The following EXD3 variants were observed in gnomAD, a reference collection of about 807,000 sequenced individuals.
EXD3 encodes the protein exonuclease mut-7 homolog.
Under a neutral mutation model 98.0 loss-of-function variants are expected in EXD3, and 92 were observed. The ratio of observed to expected loss-of-function variants is 0.94; its 90% CI spans 0.79 to 1.12. The LOEUF is 1.12. EXD3 is among the 50% of genes most tolerant of loss of function. The pLI is 0.00. For synonymous variants in EXD3, 569 were observed against 526.0 expected, an observed-to-expected ratio of 1.08 and a Z score of -1.12; for missense variants, 1,222 against 1,191.6, an observed-to-expected ratio of 1.03 and a Z score of -0.38.
intron 19 of EXD3, among the ~76,000 whole-genome samples, chr9:137,322,392 GC>G: frequency 6.8e-6 from 1 of 147,182 alleles, no homozygotes; most frequent in East Asian, 2.0e-4. Context: ...GGGATTCTCT[GC>G]CAACATCTCA....
intron 1 of EXD3, among the ~76,000 whole-genome samples, chr9:137,414,549 A>T (rs1052561438): frequency 3.3e-5 from 5 of 152,066 alleles, no homozygotes; most frequent in African/African-American, 1.2e-4. Flanking sequence ...TCCACAGTGG[A>T]CGTGCCATTT....
intron 1 of EXD3, among the ~76,000 whole-genome samples, chr9:137,413,981 A>G (rs1261452676): frequency 1.4e-5 from 2 of 142,668 alleles, no homozygotes; most frequent in Non-Finnish European, 3.0e-5. Flanking sequence ...CAGTGGTGCC[A>G]TCTCGGCTCA....
intron 1 of EXD3, among the ~76,000 whole-genome samples, chr9:137,406,471 G>A (rs1033935913): frequency 6.6e-6 from 1 of 152,100 alleles, no homozygotes; most frequent in African/African-American, 2.4e-5. Flanking sequence ...ACAGGAGGCC[G>A]CTCCACCTCT....
In EXD3 at chr9:137,373,448, T is replaced by C; in HGVS notation, c.272A>G (p.Gln91Arg). ...SHQLQCWLQA[Q>R]PCPSLAQHSL... ...CACCTGGGCCAGGCTCGGGCATGGC[T>C]GTGCCTGTAGCCAGCACTGCAGCTG... Residue 91 changes from glutamine to arginine, a missense_variant, in exon 4 of 22, where the codon CAG (glutamine) becomes CGG (arginine). Physicochemically the swap from Gln to Arg is conservative, Grantham distance 43. Transcript: ENST00000340951. 2 of 1,608,854 alleles carry C rather than the reference T, an allele frequency of 1.2e-6. No individual in the cohort carries two copies. The highest frequency in any genetic ancestry group is 1.7e-6 in the Non-Finnish European group (2 of 1,179,288).
rs567919684 is a variant in EXD3 at position 137,403,776 on chromosome 9, T to C, written c.-47-8372A>G. Among the ~76,000 whole-genome samples the C allele has an allele frequency of 1.1e-3, 175 of 152,212 alleles. 1 individual carries two copies. Among genetic ancestry groups the C allele is most frequent in the African/African-American group, 4.0e-3 (168 of 41,538 alleles). On this transcript the variant is annotated intron_variant, in intron 1 of 21. Transcript: ENST00000340951. This position sits in a 1 kb window ranked among gnomAD's most constrained non-coding sequence, Gnocchi z 6.1. ...GGCTCCAGAAAGTGGTCGCTGCCCTTCTCAGAAGGCCCTCTCCACCATGCC... is the reference window on the plus strand; with the variant it reads ...GGCTCCAGAAAGTGGTCGCTGCCCTCCTCAGAAGGCCCTCTCCACCATGCC...
intron 17 of EXD3, among the ~76,000 whole-genome samples, chr9:137,327,130 G>C (rs7027646): frequency 6.6e-6 from 1 of 151,020 alleles, no homozygotes; most frequent in Non-Finnish European, 1.5e-5. Flanking sequence ...CTATTGGTAC[G>C]GAGTCTTTTT....
chr9:137,390,118 TCAAAAAAAAA>T (rs1836820100), intron 2 of EXD3, among the ~76,000 whole-genome samples: 1 of 5,558 alleles, frequency 1.8e-4, no homozygotes, highest in Non-Finnish European at 2.9e-4. Flanking sequence ...CGAGACTCTG[TCAAAAAAAAA>T]AAAAAAAAAA....
At chr9:137,389,021 G>T (rs1271024367) in intron 2 of EXD3, among the ~76,000 whole-genome samples, 1 of 152,180 alleles carries the variant, frequency 6.6e-6, no homozygotes, top group Non-Finnish European at 1.5e-5. Context: ...TGTCCTGAGA[G>T]GCCACGCCCA....
At position 137,352,763 on chromosome 9, in the gene EXD3, C is replaced by G. The variant is rs762741796; in HGVS notation, c.894G>C (p.Trp298Cys). 5.1e-6 allele frequency: 8 copies of G among 1,580,252 alleles called. 1 individual carries two copies. In the Admixed American group the frequency reaches 7.4e-5, roughly 15 times the overall value. The change falls in exon 11 of 22, where the codon TGG becomes TGC. Residue 298 changes from tryptophan to cysteine, a missense_variant. Trp to Cys is a radical substitution (Grantham distance 215, BLOSUM62 -2). Coordinates refer to ENST00000340951, the MANE Select transcript of EXD3 (RefSeq NM_017820.5). ...GCAGCTGAGACAGCTGCTCCTGAAG[C>G]CACGGGCTCTGCCCCACCAGGCCCT... The part of the protein sequence containing the change: ...HVQGLVGQSP[W>C]LQEQLSQLLV...
intron 16 of EXD3, among the ~76,000 whole-genome samples, 200 bp downstream of exon 16, chr9:137,348,910 T>G (rs1223948580): frequency 2.0e-5 from 3 of 151,936 alleles, no homozygotes; most frequent in African/African-American, 7.3e-5. Context: ...TCCTGAGCAG[T>G]GACCCCCCAG....
chr9:137,307,720 G>A (rs977121620), intron 20 of EXD3, 74 bp from the exon 21 acceptor site: 13 of 1,548,408 alleles, frequency 8.4e-6, no homozygotes, highest in African/African-American at 2.7e-5. Context: ...GGTCCATGAC[G>A]CAGCCATGCG....
rs533389086 is a variant in EXD3, at chr9:137,394,916, C to T, written c.55+387G>A. Among the ~76,000 whole-genome samples the T allele has an allele frequency of 2.6e-5, 4 of 152,220 alleles. No individual in the cohort carries two copies. The South Asian group carries it at 6.2e-4, about 24-fold the overall frequency. ...GGGTTCCCTGAGCCCCCAGTGGCGG[C>T]GCTAAGCCCCCAAGGGTGTTCCGGG... On this transcript the variant is annotated intron_variant, in intron 2 of 21. Transcript: ENST00000340951.
intron 17 of EXD3, among the ~76,000 whole-genome samples, chr9:137,326,320 T>C (rs527324217): frequency 3.6e-4 from 55 of 152,292 alleles, no homozygotes; most frequent in African/African-American, 1.3e-3. Flanking sequence ...ATCCAGAGTA[T>C]AGGAGGAACC....
intron 1 of EXD3, among the ~76,000 whole-genome samples, chr9:137,419,198 GA>G (rs1838387627): frequency 6.6e-6 from 1 of 152,206 alleles, no homozygotes; most frequent in African/African-American, 2.4e-5. Context: ...AATTGTATGA[GA>G]TTCCTAAAAA....
Position 137,421,814 on chromosome 9 carries a change from G to C in EXD3, c.-48+1300C>G, listed in dbSNP as rs867637065. Among the ~76,000 whole-genome samples the C allele has an allele frequency of 3.9e-5, 6 of 151,994 alleles. No individual in the cohort carries two copies. The South Asian group carries it at 6.2e-4, about 16-fold the overall frequency. ...AATCGTGCCTCTGCACTCCAGCATG[G>C]GTGACAGAGCAAGACCCCATTTCTA... On this transcript the variant is annotated intron_variant, in intron 1 of 21. Transcript: ENST00000340951.
At chr9:137,383,200 T>TG (rs1033020396) in intron 3 of EXD3, 113 bp downstream of exon 3, 13 of 868,506 alleles carry the variant, frequency 1.5e-5, no homozygotes, top group Admixed American at 8.4e-5. Context: ...CCTGTGGCCG[T>TG]GGGGGGCTGT....
chr9:137,379,528 G>T (rs199973359), intron 3 of EXD3, among the ~76,000 whole-genome samples: 1 of 150,658 alleles, frequency 6.6e-6, no homozygotes, highest in Non-Finnish European at 1.5e-5. Context: ...GGAATGGGGC[G>T]TCTGTGTGAG....
intron 19 of EXD3, among the ~76,000 whole-genome samples, chr9:137,315,761 C>A (rs1239289367): frequency 6.6e-6 from 1 of 152,002 alleles, no homozygotes. Flanking sequence ...CTGCCCTGGG[C>A]GGGCAGGAGG....
At chr9:137,421,024 C>T (rs1390764254) in intron 1 of EXD3, among the ~76,000 whole-genome samples, 1 of 152,120 alleles carries the variant, frequency 6.6e-6, no homozygotes, top group African/African-American at 2.4e-5. Flanking sequence ...CTATGTTGCC[C>T]AGGTTGGTCT....
Sources: gnomAD v4.1 joint callset for allele counts (sites outside exome capture counted in the v4.1 genomes callset) on GRCh38, gnomAD v4.1.1 for gene constraint, Gnocchi (gnomAD v3.1) non-coding constraint, MANE v1.5 for transcripts, NCBI Gene and HGNC (gene_info 2026-07-23, HGNC 2026-07-21) for gene names.